The following THSD7B variants were observed in gnomAD, a reference collection of about 807,000 sequenced individuals.
THSD7B encodes the protein thrombospondin type-1 domain-containing protein 7B.
A neutral mutation model predicts 213.6 loss-of-function variants in THSD7B; 138 were observed. That is an observed-to-expected ratio of 0.65 (90% CI 0.56 to 0.74). The LOEUF is 0.74. THSD7B is among the 30% of genes least tolerant of loss of function. The probability of loss-of-function intolerance (pLI) is 0.00; values close to 1 mark genes in which losing one functional copy is unlikely to be tolerated. For synonymous variants in THSD7B, 742 were observed against 687.0 expected (o/e 1.08, Z -1.25); for missense variants, 1,931 against 1,991.5 (o/e 0.97, Z 0.58).
At chr2:137,556,199 A>G (rs1277377352) in intron 15 of THSD7B, among the ~76,000 whole-genome samples, 1 of 152,166 alleles carries the variant, frequency 6.6e-6, no homozygotes, top group Non-Finnish European at 1.5e-5. Context: ...GAATGCCACA[A>G]AGATACTCTT....
intron 1 of THSD7B, among the ~76,000 whole-genome samples, chr2:136,800,601 C>T (rs1161573693): frequency 6.6e-6 from 1 of 151,988 alleles, no homozygotes; most frequent in Non-Finnish European, 1.5e-5. Context: ...GTTCAACTTG[C>T]ATCAAACCTA....
intron 8 of THSD7B, among the ~76,000 whole-genome samples, chr2:137,231,764 A>G (rs1218472182): frequency 6.6e-6 from 1 of 152,162 alleles, no homozygotes; most frequent in Non-Finnish European, 1.5e-5. Flanking sequence ...ATGAAGCTAA[A>G]AAGTGCTATG....
intron 1 of THSD7B, among the ~76,000 whole-genome samples, chr2:136,849,143 T>C (rs1048639369): frequency 6.6e-6 from 1 of 152,172 alleles, no homozygotes; most frequent in Non-Finnish European, 1.5e-5. Context: ...TTACCACCAC[T>C]GATACATCTG....
At chr2:137,390,202 G>A (rs527516828) in intron 12 of THSD7B, among the ~76,000 whole-genome samples, 1 of 152,154 alleles carries the variant, frequency 6.6e-6, no homozygotes, top group Non-Finnish European at 1.5e-5. Flanking sequence ...CCTTCCATTT[G>A]TGTTCTCTTC....
Position 136,818,922 on chromosome 2 carries a change from A to G in THSD7B, c.-36+53235A>G, listed in dbSNP as rs925124901. 1.6e-4 allele frequency among the ~76,000 whole-genome samples: 25 copies of G among 152,196 alleles called. 1 individual carries two copies. Among genetic ancestry groups the G allele is most frequent in the Admixed American group, 6.5e-5 (1 of 15,272 alleles). On this transcript the variant is annotated intron_variant, in intron 1 of 27. Transcript: ENST00000409968. ...GGTGCTATCAGACTTTTATGTTCTCAATATCCTAGCATCTCAGTGGAGCAT... is the reference window on the plus strand; with the variant it reads ...GGTGCTATCAGACTTTTATGTTCTCGATATCCTAGCATCTCAGTGGAGCAT...
intron 15 of THSD7B, among the ~76,000 whole-genome samples, chr2:137,516,319 A>G (rs746334512): frequency 7.2e-5 from 11 of 152,242 alleles, no homozygotes; most frequent in Non-Finnish European, 1.3e-4. Flanking sequence ...TCCTCAATCA[A>G]TTTCCAGACT....
intron 1 of THSD7B, among the ~76,000 whole-genome samples, chr2:136,871,378 T>C (rs1417135239): frequency 6.6e-6 from 1 of 151,826 alleles, no homozygotes; most frequent in African/African-American, 2.4e-5. Flanking sequence ...GAGGACAGAG[T>C]CAGAGCCACA....
intron 17 of THSD7B, among the ~76,000 whole-genome samples, chr2:137,609,668 C>G (rs1682251851): frequency 6.6e-6 from 1 of 152,132 alleles, no homozygotes. Flanking sequence ...TAGAAATGGA[C>G]TTGGTTTTCA....
intron 1 of THSD7B, among the ~76,000 whole-genome samples, chr2:136,825,412 C>G (rs1057322595): frequency 2.0e-5 from 3 of 152,148 alleles, no homozygotes; most frequent in African/African-American, 7.2e-5. Flanking sequence ...ACTGATTACC[C>G]TTTTCATATT....
chr2:137,055,181 T>C (rs1687140098), intron 2 of THSD7B, among the ~76,000 whole-genome samples: 1 of 152,214 alleles, frequency 6.6e-6, no homozygotes, highest in African/African-American at 2.4e-5. Flanking sequence ...CGGTCTATAA[T>C]TGATGGGCAT....
At chr2:137,610,590 T>A (rs1682270371) in intron 17 of THSD7B, among the ~76,000 whole-genome samples, 1 of 152,170 alleles carries the variant, frequency 6.6e-6, no homozygotes, top group South Asian at 2.1e-4. Flanking sequence ...TGAAAGGAAA[T>A]ATTCTAAACA....
At chr2:137,667,103 T>C (rs1683463365) in intron 26 of THSD7B, among the ~76,000 whole-genome samples, 1 of 151,728 alleles carries the variant, frequency 6.6e-6, no homozygotes, top group Non-Finnish European at 1.5e-5. Flanking sequence ...GTTCTTTTTG[T>C]CAAATGTTTT....
At chr2:137,263,252 C>CTA (rs1349969023) in intron 10 of THSD7B, among the ~76,000 whole-genome samples, 3 of 151,366 alleles carry the variant, frequency 2.0e-5, no homozygotes, top group African/African-American at 7.3e-5. Context: ...TTCAAGTTCA[C>CTA]TATATATATA....
At chr2:137,189,759 C>T (rs71419532) in intron 7 of THSD7B, among the ~76,000 whole-genome samples, 7,031 of 152,070 alleles carry the variant, frequency 0.046, 200 homozygotes, top group Admixed American at 0.069. Context: ...TCTGACTATG[C>T]GGACCTCACA....
intron 15 of THSD7B, among the ~76,000 whole-genome samples, chr2:137,545,590 T>C (rs1680692176): frequency 6.6e-6 from 1 of 151,902 alleles, no homozygotes; most frequent in Admixed American, 6.6e-5. Flanking sequence ...GCTGCCCATC[T>C]CCTAAATTGC....
chr2:137,024,662 G>A (rs1323836166), intron 2 of THSD7B, among the ~76,000 whole-genome samples: 1 of 151,710 alleles, frequency 6.6e-6, no homozygotes, highest in Non-Finnish European at 1.5e-5. Context: ...TTAATACATA[G>A]CCCATGCCAG....
chr2:137,250,570 A>G (rs1682149438), intron 10 of THSD7B, among the ~76,000 whole-genome samples: 1 of 152,186 alleles, frequency 6.6e-6, no homozygotes, highest in Admixed American at 6.5e-5. Context: ...ATGGAATCCT[A>G]AGCTCTTAAC....
chr2:137,623,905 A>G (rs1260363588), intron 20 of THSD7B, among the ~76,000 whole-genome samples: 1 of 152,248 alleles, frequency 6.6e-6, no homozygotes, highest in African/African-American at 2.4e-5. Flanking sequence ...CATACTGCCC[A>G]AGGTAATTTA....
At position 137,172,585 on chromosome 2, in the gene THSD7B, T is replaced by TTTCATGTATA. The variant is rs1329566378; in HGVS notation, c.1723+1651_1723+1660dup. Among the ~76,000 whole-genome samples, 4 of 152,178 alleles carry TTTCATGTATA rather than the reference T, an allele frequency of 2.6e-5. No individual in the cohort carries two copies. The East Asian group carries it at 7.7e-4, about 29-fold the overall frequency. Reference sequence around the variant, plus strand: ...TTTTCCTCATGAATCTCTTCTGGCTTTTCATGTATATTCTTTGTAATATCC... The same window carrying TTTCATGTATA: ...TTTTCCTCATGAATCTCTTCTGGCTTTTCATGTATATTCATGTATATTCTTTGTAATATCC... On this transcript the variant is annotated intron_variant, in intron 7 of 27. Transcript: ENST00000409968.
Sources: allele counts gnomAD v4.1 joint callset (sites outside exome capture counted in the v4.1 genomes callset), GRCh38; gene constraint gnomAD v4.1.1; transcripts MANE v1.5; gene names NCBI Gene and HGNC (gene_info 2026-07-23, HGNC 2026-07-21).